The following CNTNAP5 variants were observed in gnomAD, a reference collection of about 807,000 sequenced individuals.
The protein encoded by CNTNAP5 is contactin associated protein family member 5.
In CNTNAP5, 72 loss-of-function variants were observed where a neutral mutation model predicts 150.2. The ratio of observed to expected loss-of-function variants is 0.48; its 90% CI spans 0.40 to 0.58. The LOEUF is 0.58. CNTNAP5 is among the 20% of genes least tolerant of loss of function. The probability of loss-of-function intolerance (pLI) is 0.00; values close to 1 mark genes in which losing one functional copy is unlikely to be tolerated. For missense variants in CNTNAP5, 1,636 were observed against 1,626.2 expected (o/e 1.01, Z -0.10); for synonymous variants, 672 against 619.8 (o/e 1.08, Z -1.25).
At chr2:124,812,905 A>G (rs1196139404) in intron 19 of CNTNAP5, among the ~76,000 whole-genome samples, 2 of 152,114 alleles carry the variant, frequency 1.3e-5, no homozygotes, top group African/African-American at 4.8e-5. Flanking sequence ...CACTCAGAAT[A>G]AATCTCTTCA....
rs1678798059 is a variant in CNTNAP5 at position 124,917,691 on chromosome 2, T to A, written c.*3403T>A. Among the ~76,000 whole-genome samples, 1 of 152,090 alleles carries A rather than the reference T, an allele frequency of 6.6e-6. No individual in the cohort carries two copies. The highest frequency in any genetic ancestry group is 1.5e-5 in the Non-Finnish European group (1 of 67,994). Reference sequence around the variant, plus strand: ...CAAAATAAAGAGATTGTTTTTCTTTTTTCATTCATGAAGTATTTATGGAAT... The same window carrying A: ...CAAAATAAAGAGATTGTTTTTCTTTATTCATTCATGAAGTATTTATGGAAT... On this transcript the variant is annotated 3_prime_UTR_variant, in exon 24 of 24. Transcript: ENST00000682447.
At chr2:124,120,142 C>G (rs1408294881) in intron 1 of CNTNAP5, among the ~76,000 whole-genome samples, 2 of 152,158 alleles carry the variant, frequency 1.3e-5, no homozygotes. Context: ...ATGCAAGTGA[C>G]AGATTCAGCA....
Position 124,562,310 on chromosome 2 carries a change from CTGTTATAATCATGTT to C in CNTNAP5, c.1650-887_1650-873del, listed in dbSNP as rs538035364. 6.1e-3 allele frequency among the ~76,000 whole-genome samples: 927 copies of C among 152,132 alleles called. 1 individual carries two copies. Among genetic ancestry groups the C allele is most frequent in the Middle Eastern group, 0.027 (8 of 294 alleles). Reference sequence around the variant, plus strand: ...TTAATCTATTATAATCATGTTTGTCCTGTTATAATCATGTTTGTTATAATCATGTTTGTTCTGTTA... The same window carrying C: ...TTAATCTATTATAATCATGTTTGTCCTGTTATAATCATGTTTGTTCTGTTA... On this transcript the variant is annotated intron_variant, in intron 10 of 23. Coordinates refer to ENST00000682447, the MANE Select transcript of CNTNAP5 (RefSeq NM_001367498.1).
intron 13 of CNTNAP5, among the ~76,000 whole-genome samples, chr2:124,687,019 C>T (rs895843158): frequency 2.6e-5 from 4 of 151,940 alleles, no homozygotes; most frequent in Admixed American, 2.6e-4. Context: ...GCAGTCATTG[C>T]GAATGATCTT....
At chr2:124,829,314 A>G (rs1682665326) in intron 19 of CNTNAP5, among the ~76,000 whole-genome samples, 2 of 152,230 alleles carry the variant, frequency 1.3e-5, no homozygotes, top group Admixed American at 1.3e-4. Context: ...GGTTGCATTT[A>G]CAGAACCAGT....
At chr2:124,832,887 T>C (rs1682745763) in intron 19 of CNTNAP5, among the ~76,000 whole-genome samples, 2 of 151,710 alleles carry the variant, frequency 1.3e-5, no homozygotes, top group African/African-American at 4.8e-5. Flanking sequence ...TCATTTAAGC[T>C]CTGAACTTTC....
At chr2:124,448,506 G>T in intron 6 of CNTNAP5, among the ~76,000 whole-genome samples, 1 of 152,184 alleles carries the variant, frequency 6.6e-6, no homozygotes, top group East Asian at 1.9e-4. Flanking sequence ...GTGAAATCCC[G>T]TTGACAGCTT....
At chr2:124,630,384 T>C (rs1180316049) in intron 12 of CNTNAP5, among the ~76,000 whole-genome samples, 1 of 152,182 alleles carries the variant, frequency 6.6e-6, no homozygotes, top group East Asian at 1.9e-4. Context: ...CACGATCAAG[T>C]TGGTTTCATC....
At chr2:124,371,053 A>G (rs758366293) in intron 3 of CNTNAP5, among the ~76,000 whole-genome samples, 1 of 152,124 alleles carries the variant, frequency 6.6e-6, no homozygotes, top group African/African-American at 2.4e-5. Flanking sequence ...GTGTTCCTGC[A>G]TCTTCAGAGA....
At chr2:124,759,830 C>T (rs111329598) in intron 14 of CNTNAP5, among the ~76,000 whole-genome samples, 2,438 of 139,778 alleles carry the variant, frequency 0.017, 40 homozygotes, top group African/African-American at 0.052. Flanking sequence ...TGGATATTAT[C>T]CTGGGGTAGA....
At chr2:124,230,857 G>A (rs754921016) in intron 2 of CNTNAP5, among the ~76,000 whole-genome samples, 1 of 152,100 alleles carries the variant, frequency 6.6e-6, no homozygotes, top group African/African-American at 2.4e-5. Flanking sequence ...AAGACAGTAA[G>A]CTATACAGAA....
chr2:124,785,052 A>AAC (rs1681535393), intron 17 of CNTNAP5, among the ~76,000 whole-genome samples: 1 of 151,328 alleles, frequency 6.6e-6, no homozygotes, highest in South Asian at 2.1e-4. Flanking sequence ...AAAAAAAAAA[A>AAC]AAAAACAAAA....
At chr2:124,184,936 C>G (rs888969249) in intron 1 of CNTNAP5, among the ~76,000 whole-genome samples, 1 of 152,152 alleles carries the variant, frequency 6.6e-6, no homozygotes, top group African/African-American at 2.4e-5. Flanking sequence ...CAAAGACCCA[C>G]TGCATTTATC....
At chr2:124,248,405 G>C (rs1687083633) in intron 3 of CNTNAP5, among the ~76,000 whole-genome samples, 1 of 152,172 alleles carries the variant, frequency 6.6e-6, no homozygotes, top group Non-Finnish European at 1.5e-5. Flanking sequence ...GGATCTCAAA[G>C]CTCATCATTC....
chr2:124,780,359 G>A (rs555033516), intron 17 of CNTNAP5, among the ~76,000 whole-genome samples: 1 of 152,314 alleles, frequency 6.6e-6, no homozygotes, highest in Non-Finnish European at 1.5e-5. Context: ...CACTCAATTG[G>A]TGTAATGGCT....
intron 12 of CNTNAP5, among the ~76,000 whole-genome samples, chr2:124,626,126 G>C (rs1677717524): frequency 6.6e-6 from 1 of 152,036 alleles, no homozygotes; most frequent in Non-Finnish European, 1.5e-5. Context: ...CAACATCATA[G>C]AATGATCTAG....
At position 124,591,632 on chromosome 2, in the gene CNTNAP5, G is replaced by A. The variant is rs144720658; in HGVS notation, c.1757-18169G>A. On this transcript the variant is annotated intron_variant, in intron 11 of 23. Transcript: ENST00000682447. ...CACCATGTTGCACCCTTGTTGCACT[G>A]TTGCTGTTCTATACTGAGAAGGAGC... Among the ~76,000 whole-genome samples the A allele has an allele frequency of 2.7e-3, 405 of 152,222 alleles. 3 individuals are homozygous for A. The highest frequency in any genetic ancestry group is 9.1e-3 in the African/African-American group (380 of 41,542).
intron 21 of CNTNAP5, among the ~76,000 whole-genome samples, chr2:124,889,011 G>T (rs1326141579): frequency 7.1e-6 from 1 of 140,332 alleles, no homozygotes; most frequent in African/African-American, 2.6e-5. Flanking sequence ...TAAATTATTT[G>T]TCAAGTCTAA....
intron 1 of CNTNAP5, among the ~76,000 whole-genome samples, chr2:124,103,597 A>G (rs1395298826): frequency 6.6e-6 from 1 of 152,124 alleles, no homozygotes; most frequent in East Asian, 1.9e-4. Flanking sequence ...ACAATTGACT[A>G]TAGTATTCAG....
Sources: gnomAD v4.1 joint callset for allele counts (sites outside exome capture counted in the v4.1 genomes callset) on GRCh38, gnomAD v4.1.1 for gene constraint, MANE v1.5 for transcripts, NCBI Gene and HGNC (gene_info 2026-07-23, HGNC 2026-07-21) for gene names.